Variants in DDOST observed in about 807,000 individuals in gnomAD.
DDOST encodes the protein dolichyl-diphosphooligosaccharide--protein glycosyltransferase non-catalytic subunit, also known as dolichyl-diphosphooligosaccharide--protein glycosyltransferase 48 kDa subunit.
DDOST carries 25 observed loss-of-function variants against 47.6 expected under a neutral mutation model. That is an observed-to-expected ratio of 0.53 (90% CI 0.38 to 0.73). The LOEUF (loss-of-function observed/expected upper bound fraction) is 0.73. Ranked by LOEUF, DDOST falls within the 30% of genes least tolerant of loss-of-function variation. The pLI is 0.00. For missense variants in DDOST, 526 were observed against 573.9 expected (o/e 0.92, Z 0.85); for synonymous variants, 275 against 236.0 (o/e 1.17, Z -1.51).
chr1:20,660,326 A>G (rs1187734861), intron 2 of DDOST: 1 of 152,770 alleles, frequency 6.5e-6, no homozygotes, highest in Non-Finnish European at 1.5e-5. Context: ...TCAAGTATCA[A>G]CTGGATAATC....
intron 2 of DDOST, 77 bp downstream of exon 2, chr1:20,660,804 C>G: frequency 1.2e-6 from 1 of 855,000 alleles, no homozygotes; most frequent in Non-Finnish European, 1.9e-6. Context: ...CCAGGACATG[C>G]CCAAGAACCA....
At position 20,652,618 on chromosome 1, in the gene DDOST, T is replaced by TA. The variant is rs1557570476; in HGVS notation, c.1170+2dup. The stretch of plus-strand genomic sequence containing the variant: ...GAAAACAGAAGCTGTCACCTGTGCT[T>TA]ACCTGAGTGGAAGAGTACAGGTGTG... On this transcript the variant is annotated splice_region_variant and intron_variant, in intron 10 of 10. Coordinates refer to ENST00000602624, the MANE Select transcript of DDOST (RefSeq NM_005216.5). The TA allele has an allele frequency of 6.2e-7, 1 of 1,614,106 alleles. No homozygotes were observed.
intron 5 of DDOST, among the ~76,000 whole-genome samples, chr1:20,655,171 G>GTTTTTTTTTT (rs869053335): frequency 1.3e-5 from 1 of 77,212 alleles, no homozygotes; most frequent in Admixed American, 1.5e-4. Flanking sequence ...ACTTTTTTTT[G>GTTTTTTTTTT]TTTTTTTTTT....
intron 5 of DDOST, among the ~76,000 whole-genome samples, chr1:20,655,162 CTTTTTTTTGTTT>C (rs1181972236): frequency 1.0e-4 from 9 of 86,936 alleles, no homozygotes; most frequent in Non-Finnish European, 1.4e-4. Context: ...GCTCGGCCAA[CTTTTTTTTGTTT>C]TTTTTTTTTT....
At chr1:20,653,254 G>GC (rs1392066421) in intron 8 of DDOST, among the ~76,000 whole-genome samples, 2 of 152,166 alleles carry the variant, frequency 1.3e-5, no homozygotes, top group Admixed American at 6.5e-5. Flanking sequence ...CCACCCTCCT[G>GC]CCCCGACATG....
In DDOST at chr1:20,651,801, T is replaced by TTTTTTTTATTTATTATTTA. The variant is rs886045853; in HGVS notation, c.*577_*578insTAAATAATAAATAAAAAAA. On this transcript the variant is annotated 3_prime_UTR_variant, in exon 11 of 11. Transcript: ENST00000602624. ...GTTTGAGGGCAACATCTCGCTTTAT[T>TTTTTTTTATTTATTATTTA]TTTATTTATTTATTTATTTATTTAT... 3 of 147,120 alleles carry TTTTTTTTATTTATTATTTA rather than the reference T, an allele frequency of 2.0e-5. No individual in the cohort carries two copies. The highest frequency in any genetic ancestry group is 4.5e-5 in the Non-Finnish European group (3 of 67,138). The allele number at this position is 147,120 out of a possible 1,614,324, so 9.1% of individuals were successfully genotyped here. A position where few individuals can be genotyped will look rare whatever the true frequency, so the allele number is the denominator to read the frequency against.
intron 5 of DDOST, among the ~76,000 whole-genome samples, chr1:20,655,015 A>G (rs2053352714): frequency 6.6e-6 from 1 of 151,966 alleles, no homozygotes; most frequent in Non-Finnish European, 1.5e-5. Context: ...ACACACCACC[A>G]TACCTGTCTA....
Position 20,652,954 on chromosome 1 carries a change from G to T in DDOST, c.960C>A (p.Ile320=). The T allele has an allele frequency of 1.2e-6, 2 of 1,614,192 alleles. No individual in the cohort carries two copies. Among genetic ancestry groups the T allele is most frequent in the Non-Finnish European group, 1.7e-6 (2 of 1,180,034 alleles). Residue 320 remains isoleucine, a synonymous_variant, in exon 9 of 11, where the codon ATC becomes ATA. Transcript: ENST00000602624. Reference sequence around the variant, plus strand: ...CCCATTTGCCATTTGAGAGCTGCTGGATCACGATGCTATACTCCTGAGATA... The same window carrying T: ...CCCATTTGCCATTTGAGAGCTGCTGTATCACGATGCTATACTCCTGAGATA... The part of the protein sequence containing the change: ...VTDLVEYSIV[I]QQLSNGKWVP...
chr1:20,655,259 C>G (rs1184411786), intron 5 of DDOST, among the ~76,000 whole-genome samples, 181 bp downstream of exon 5: 1 of 150,754 alleles, frequency 6.6e-6, no homozygotes, highest in Non-Finnish European at 1.5e-5. Flanking sequence ...GATCCTCCTG[C>G]CTAGGCCTTC....
At position 20,655,672 on chromosome 1, in the gene DDOST, T is replaced by C. The variant is rs554184374; in HGVS notation, c.456+4A>G. On this transcript the variant is annotated splice_donor_region_variant and intron_variant, in intron 4 of 10. Coordinates refer to ENST00000602624, the MANE Select transcript of DDOST (RefSeq NM_005216.5). Reference sequence around the variant, plus strand: ...GAAACCTGGAAGGTGACAGGCCTGATTACCTGGCCAAGGTCTGAGATGTCA... The same window carrying C: ...GAAACCTGGAAGGTGACAGGCCTGACTACCTGGCCAAGGTCTGAGATGTCA... The C allele has an allele frequency of 2.3e-5, 37 of 1,612,836 alleles. No individual in the cohort carries two copies. In the East Asian group the frequency reaches 3.3e-4, roughly 15 times the overall value.
At position 20,655,526 on chromosome 1, in the gene DDOST, G is replaced by C; in HGVS notation, c.465C>G (p.Leu155=). 1.2e-6 allele frequency: 2 copies of C among 1,613,954 alleles called. No individual in the cohort carries two copies. Among genetic ancestry groups the C allele is most frequent in the Non-Finnish European group, 1.7e-6 (2 of 1,179,866 alleles). ...GCAGGTTCTCAGTGTCAGCCACGAT[G>C]AGCGTATGCTGCAAAGAGTAGATGG... ...YDISDLGQHT[L]IVADTENLLK... is the part of the protein sequence containing the mutation. Residue 155 remains leucine (L), a synonymous_variant, in exon 5 of 11, where the codon CTC becomes CTG. Coordinates refer to ENST00000602624, the MANE Select transcript of DDOST (RefSeq NM_005216.5).
At position 20,652,736 on chromosome 1, in the gene DDOST, G is replaced by T; in HGVS notation, c.1064-9C>A. Reference sequence around the variant, plus strand: ...AACACTGTATTTGCCACCTGCGGAAGAACCAACAAGAATAACCGGGAGGGG... The same window carrying T: ...AACACTGTATTTGCCACCTGCGGAATAACCAACAAGAATAACCGGGAGGGG... On this transcript the variant is annotated splice_polypyrimidine_tract_variant and intron_variant, in intron 9 of 10. Coordinates refer to ENST00000602624, the MANE Select transcript of DDOST (RefSeq NM_005216.5). The T allele has an allele frequency of 8.7e-6, 14 of 1,614,036 alleles. No individual in the cohort carries two copies. The highest frequency in any genetic ancestry group is 1.2e-5 in the Non-Finnish European group (14 of 1,179,870).
At chr1:20,658,757 G>A (rs1434379886) in intron 2 of DDOST, among the ~76,000 whole-genome samples, 1 of 151,798 alleles carries the variant, frequency 6.6e-6, no homozygotes, top group Admixed American at 6.6e-5. Flanking sequence ...TACCTTCTAC[G>A]TACATCAAGT....
At chr1:20,660,811 A>G (rs2154534444) in intron 2 of DDOST, 70 bp downstream of exon 2, 1 of 904,112 alleles carries the variant, frequency 1.1e-6, no homozygotes, top group East Asian at 2.5e-5. Context: ...ATGCCCAAGA[A>G]CCAGAAGAAA....
rs544127688 is a variant in DDOST at position 20,655,276 on chromosome 1, C to T, written c.551+164G>A. Among the ~76,000 whole-genome samples the T allele has an allele frequency of 1.9e-4, 28 of 150,250 alleles. 1 individual carries two copies. In the South Asian group the frequency reaches 5.6e-3, roughly 30 times the overall value. On this transcript the variant is annotated intron_variant, in intron 5 of 10. Transcript: ENST00000602624. ...TCCTCCTGCCTAGGCCTTCCCAAAG[C>T]GCTGGGATTACAGGTTGAGCCACTA...
At chr1:20,659,060 G>A (rs1237065678) in intron 2 of DDOST, among the ~76,000 whole-genome samples, 2 of 151,178 alleles carry the variant, frequency 1.3e-5, no homozygotes, top group African/African-American at 4.9e-5. Context: ...GTCTCACTAT[G>A]TTGCCCAGGC....
At chr1:20,653,113 A>AC in intron 8 of DDOST, 142 bp from the exon 9 acceptor site, 2 of 947,316 alleles carry the variant, frequency 2.1e-6, no homozygotes, top group South Asian at 3.2e-5. Flanking sequence ...TGCCCCTGCC[A>AC]CCCGGCCCTG....
rs769669810 is a variant in DDOST at position 20,660,985 on chromosome 1, CCCCGGT to C, written c.155_160del (p.Asp52_Arg53del). Reference sequence around the variant, plus strand: ...AGCGGTCTTGAATGTGAGCTCAAAGCCCCGGTCTGGACAAGAAAAAACAGGTAGTTG... The same window carrying C: ...AGCGGTCTTGAATGTGAGCTCAAAGCCTGGACAAGAAAAAACAGGTAGTTG... On this transcript the variant is annotated inframe_deletion and splice_region_variant, in exon 2 of 11. Coordinates refer to ENST00000602624, the MANE Select transcript of DDOST (RefSeq NM_005216.5). The C allele has an allele frequency of 1.9e-5, 30 of 1,612,342 alleles. No homozygotes were observed. In the South Asian group the frequency reaches 2.1e-4, roughly 11 times the overall value.
At chr1:20,653,287 A>G (rs184173641) in intron 8 of DDOST, among the ~76,000 whole-genome samples, 59 of 152,320 alleles carry the variant, frequency 3.9e-4, no homozygotes, top group Admixed American at 9.8e-4. Context: ...TCAAGTATTC[A>G]TGCTTCCATA....
Sources: gnomAD v4.1 joint callset for allele counts (sites outside exome capture counted in the v4.1 genomes callset) on GRCh38, gnomAD v4.1.1 for gene constraint, MANE v1.5 for transcripts, NCBI Gene and HGNC (gene_info 2026-07-23, HGNC 2026-07-21) for gene names.